The following RPS4Y1 variants were observed in gnomAD, a reference collection of about 807,000 sequenced individuals.
The protein encoded by RPS4Y1 is small ribosomal subunit protein eS4, Y isoform 1.
For missense variants in RPS4Y1, 30 were observed against 60.9 expected, an observed-to-expected ratio of 0.49 and a Z score of 1.69; for synonymous variants, 23 against 20.8, an observed-to-expected ratio of 1.10 and a Z score of -0.28.
chrY:2,845,013 G>A (rs2051151675), intron 3 of RPS4Y1, among the ~76,000 whole-genome samples: 1 of 32,868 alleles, frequency 3.0e-5, no homozygotes. Flanking sequence ...TGTCCAGAAA[G>A]CAGGGGGATG....
chrY:2,843,033 G>C, intron 2 of RPS4Y1, among the ~76,000 whole-genome samples: 1 of 33,422 alleles, frequency 3.0e-5, no homozygotes, highest in Non-Finnish European at 7.4e-5. Flanking sequence ...CCTCTTCTTG[G>C]TACAGTTTGA....
At chrY:2,859,845 A>G (rs2051162389) in intron 5 of RPS4Y1, among the ~76,000 whole-genome samples, 1 of 31,860 alleles carries the variant, frequency 3.1e-5, no homozygotes, top group Non-Finnish European at 7.7e-5. Flanking sequence ...TTTCTTCAGC[A>G]TTTCTCGTAA....
chrY:2,841,889 A>G, intron 1 of RPS4Y1: 1 of 371,021 alleles, frequency 2.7e-6, no homozygotes, highest in African/African-American at 6.5e-5. Flanking sequence ...TTATTTTCAC[A>G]CGTTGAAGCA....
intron 2 of RPS4Y1, 73 bp downstream of exon 2, chrY:2,842,315 C>T: frequency 3.9e-6 from 1 of 258,325 alleles, no homozygotes; most frequent in South Asian, 3.7e-5. Context: ...ATACCTGTGG[C>T]TCGGTATTTC....
At chrY:2,851,044 C>T (rs2051155870) in intron 4 of RPS4Y1, among the ~76,000 whole-genome samples, 1 of 28,945 alleles carries the variant, frequency 3.5e-5, no homozygotes, top group East Asian at 8.9e-4. Flanking sequence ...GGGGTTTCAC[C>T]GTTTTAGCCG....
chrY:2,866,743 C>T, intron 6 of RPS4Y1, 50 bp from the exon 7 acceptor site: 1 of 264,801 alleles, frequency 3.8e-6, no homozygotes, highest in Non-Finnish European at 5.9e-6. Context: ...TGTTGTTTTT[C>T]TCTCCTCCCT....
intron 5 of RPS4Y1, 57 bp downstream of exon 5, chrY:2,854,828 T>G: frequency 7.7e-6 from 2 of 258,663 alleles, no homozygotes; most frequent in Non-Finnish European, 1.2e-5. Flanking sequence ...CTTTTCTTTT[T>G]CTTTCTATTT....
At chrY:2,862,969 G>A (rs976504840) in intron 5 of RPS4Y1, among the ~76,000 whole-genome samples, 2 of 33,659 alleles carry the variant, frequency 5.9e-5, no homozygotes, top group Non-Finnish European at 1.5e-4. Flanking sequence ...GACTGAACCC[G>A]GAGCTTTGAT....
intron 5 of RPS4Y1, among the ~76,000 whole-genome samples, chrY:2,863,851 T>G (rs545864414): frequency 2.4e-4 from 8 of 33,763 alleles, no homozygotes; most frequent in Admixed American, 5.4e-4. Context: ...GGGTACTTTC[T>G]TGTGACTTTA....
chrY:2,842,713 G>C, intron 2 of RPS4Y1, among the ~76,000 whole-genome samples: 1 of 33,221 alleles, frequency 3.0e-5, no homozygotes, highest in Non-Finnish European at 7.4e-5. Context: ...GTGTGAGAAA[G>C]TCTGGAGGCT....
rs760561658 is a variant in RPS4Y1, at chrY:2,844,544, A to T, written c.262+287A>T. ...TCCTACCTTCCCGGCAGAGACTGGG[A>T]GACAGAGGAGCTGTCCTTAGGTGTT... On this transcript the variant is annotated intron_variant, in intron 3 of 6. Coordinates refer to ENST00000250784, the MANE Select transcript of RPS4Y1 (RefSeq NM_001008.4). Among the ~76,000 whole-genome samples the T allele has an allele frequency of 1.2e-4, 4 of 33,877 alleles. No homozygotes were observed. The East Asian group carries it at 3.1e-3, about 26-fold the overall frequency. The allele number at this position is 33,877 out of a possible 37,273, so 90.9% of individuals were successfully genotyped here.
chrY:2,844,386 G>A, intron 3 of RPS4Y1, 129 bp downstream of exon 3: 1 of 185,717 alleles, frequency 5.4e-6, no homozygotes, highest in Non-Finnish European at 9.8e-6. Context: ...AGTTACTGCT[G>A]GTCCTTTCAG....
At chrY:2,863,550 C>T in intron 5 of RPS4Y1, among the ~76,000 whole-genome samples, 1 of 34,037 alleles carries the variant, frequency 2.9e-5, no homozygotes, top group Non-Finnish European at 7.3e-5. Context: ...ATTGACATTT[C>T]ATCTTACCGC....
At chrY:2,864,798 T>C in intron 5 of RPS4Y1, among the ~76,000 whole-genome samples, 2 of 33,585 alleles carry the variant, frequency 6.0e-5, no homozygotes, top group Non-Finnish European at 1.5e-4. Flanking sequence ...GCCATCTTTG[T>C]CAACCCCAAA....
At chrY:2,858,911 T>C in intron 5 of RPS4Y1, among the ~76,000 whole-genome samples, 1 of 33,451 alleles carries the variant, frequency 3.0e-5, no homozygotes, top group South Asian at 6.7e-4. Context: ...TTTAATTTTC[T>C]TCCTTCTGCC....
chrY:2,846,724 G>A, intron 4 of RPS4Y1, among the ~76,000 whole-genome samples: 1 of 33,655 alleles, frequency 3.0e-5, no homozygotes, highest in Non-Finnish European at 7.4e-5. Flanking sequence ...GTGTTCAGTC[G>A]CGTAGGGTGT....
intron 5 of RPS4Y1, among the ~76,000 whole-genome samples, chrY:2,863,310 CTAT>C (rs2051165006): frequency 3.0e-5 from 1 of 33,523 alleles, no homozygotes; most frequent in Non-Finnish European, 7.4e-5. Context: ...AGTGAAGGAA[CTAT>C]TATTAACAAT....
chrY:2,861,202 T>C (rs2051163352), intron 5 of RPS4Y1, among the ~76,000 whole-genome samples: 1 of 33,564 alleles, frequency 3.0e-5, no homozygotes, highest in Non-Finnish European at 7.3e-5. Flanking sequence ...TTTTGTGGGT[T>C]TCCTTTACAT....
chrY:2,852,912 A>G, intron 4 of RPS4Y1, among the ~76,000 whole-genome samples: 2 of 34,074 alleles, frequency 5.9e-5, no homozygotes, highest in African/African-American at 1.1e-4. Context: ...AATCTATAGT[A>G]GCAGCAGAAA....
Sources: gnomAD v4.1 joint callset for allele counts (sites outside exome capture counted in the v4.1 genomes callset) on GRCh38, gnomAD v4.1.1 for gene constraint, MANE v1.5 for transcripts, NCBI Gene and HGNC (gene_info 2026-07-23, HGNC 2026-07-21) for gene names.